The following DPP6 variants were observed in gnomAD, a reference collection of about 807,000 sequenced individuals.
DPP6 encodes the protein A-type potassium channel modulatory protein DPP6.
A neutral mutation model predicts 122.6 loss-of-function variants in DPP6; 69 were observed. That is an observed-to-expected ratio of 0.56 (90% CI 0.46 to 0.69). The LOEUF is 0.69. DPP6 is among the 30% of genes least tolerant of loss of function. The pLI, the probability that DPP6 is intolerant of heterozygous loss-of-function variation, is 0.00. For missense variants in DPP6, 928 were observed against 1,116.9 expected, an observed-to-expected ratio of 0.83 and a Z score of 2.41; for synonymous variants, 418 against 433.1, an observed-to-expected ratio of 0.97 and a Z score of 0.43.
chr7:154,098,080 C>T (rs1234803523), intron 1 of DPP6, among the ~76,000 whole-genome samples: 1 of 152,170 alleles, frequency 6.6e-6, no homozygotes, highest in Non-Finnish European at 1.5e-5. Context: ...CAAATCTCAC[C>T]TTGAATTGTA....
At chr7:154,873,439 C>T (rs964979212) in intron 19 of DPP6, among the ~76,000 whole-genome samples, 3 of 151,050 alleles carry the variant, frequency 2.0e-5, no homozygotes, top group Non-Finnish European at 4.4e-5. Context: ...CTCCTGCACC[C>T]CTCGTAGCCT....
chr7:153,910,052 A>C (rs1396660680), intron 1 of DPP6, among the ~76,000 whole-genome samples: 2 of 152,018 alleles, frequency 1.3e-5, no homozygotes, highest in Non-Finnish European at 2.9e-5. Flanking sequence ...CTGGGTTTCG[A>C]GTATTCATTT....
At chr7:154,013,616 C>A (rs1018882075) in intron 1 of DPP6, among the ~76,000 whole-genome samples, 1 of 151,614 alleles carries the variant, frequency 6.6e-6, no homozygotes, top group African/African-American at 2.4e-5. Flanking sequence ...CTGTAACATT[C>A]TTACTTTATG....
At chr7:154,744,125 A>G (rs1210385132) in intron 8 of DPP6, among the ~76,000 whole-genome samples, 2 of 152,048 alleles carry the variant, frequency 1.3e-5, no homozygotes, top group Non-Finnish European at 2.9e-5. Flanking sequence ...GGTTAACTGG[A>G]CCTGCCTAAG....
chr7:154,293,765 C>T (rs999297001), intron 1 of DPP6, among the ~76,000 whole-genome samples: 1 of 152,134 alleles, frequency 6.6e-6, no homozygotes, highest in African/African-American at 2.4e-5. Context: ...TGATGAGTTG[C>T]CTAAAATGAA....
the DPP6 span, among the ~76,000 whole-genome samples, chr7:153,854,077 T>G: frequency 1.1e-4 from 16 of 146,600 alleles, no homozygotes; most frequent in Admixed American, 9.6e-4. Flanking sequence ...TAGCCAGTTT[T>G]CCCAGCACCA....
chr7:154,585,713 A>G (rs987518324), intron 5 of DPP6, among the ~76,000 whole-genome samples: 1 of 152,244 alleles, frequency 6.6e-6, no homozygotes, highest in Non-Finnish European at 1.5e-5. Context: ...TGTATTGCTT[A>G]GGAAATAATG....
At chr7:154,445,958 C>G (rs1341304980) in intron 1 of DPP6, among the ~76,000 whole-genome samples, 1 of 152,078 alleles carries the variant, frequency 6.6e-6, no homozygotes, top group East Asian at 1.9e-4. Flanking sequence ...AAGCTGCAAA[C>G]ATAATAATAT....
At chr7:153,786,945 TTTTTTG>T in the DPP6 span, among the ~76,000 whole-genome samples, 16 of 145,162 alleles carry the variant, frequency 1.1e-4, no homozygotes, top group African/African-American at 2.5e-4. Flanking sequence ...AGATTTCCTT[TTTTTTG>T]TTTTTGTTTT....
chr7:154,466,229 T>C (rs10233210), intron 2 of DPP6, among the ~76,000 whole-genome samples: 18,308 of 152,024 alleles, frequency 0.12, 3,610 homozygotes, highest in African/African-American at 0.41. Flanking sequence ...AGGGAAGGGA[T>C]AGCATTAGGA....
At position 154,860,053 on chromosome 7, in the gene DPP6, C is replaced by T. The variant is rs151183150; in HGVS notation, c.1714+6226C>T. On this transcript the variant is annotated intron_variant, in intron 17 of 25. Transcript: ENST00000377770. The stretch of plus-strand genomic sequence containing the variant: ...AAAAGTTAGGTTTCTCTACCTCCTA[C>T]TCTCTTCATTTGGGTCTTTGTAAGA... Among the ~76,000 whole-genome samples the T allele has an allele frequency of 2.8e-3, 432 of 152,310 alleles. 2 individuals are homozygous for T. The highest frequency in any genetic ancestry group is 9.8e-3 in the African/African-American group (409 of 41,562).
At chr7:153,957,297 C>T (rs892796000) in intron 1 of DPP6, among the ~76,000 whole-genome samples, 1 of 152,098 alleles carries the variant, frequency 6.6e-6, no homozygotes. Flanking sequence ...CACTCCGAAC[C>T]CTCCCCGCTC....
chr7:154,347,857 G>T (rs572801571), intron 1 of DPP6, among the ~76,000 whole-genome samples: 2 of 152,320 alleles, frequency 1.3e-5, no homozygotes, highest in Non-Finnish European at 2.9e-5. Context: ...GTGCCAACTT[G>T]TGGAGTGAAC....
the DPP6 span, among the ~76,000 whole-genome samples, chr7:153,808,870 G>A: frequency 6.6e-6 from 1 of 151,950 alleles, no homozygotes. Flanking sequence ...TTATCTCTTT[G>A]AGATAATGAT....
chr7:153,805,163 A>G, the DPP6 span, among the ~76,000 whole-genome samples: 5 of 152,216 alleles, frequency 3.3e-5, no homozygotes, highest in Non-Finnish European at 5.9e-5. Flanking sequence ...GTAAAAATTA[A>G]TATTTCAAAT....
the DPP6 span, among the ~76,000 whole-genome samples, chr7:153,837,529 T>C: frequency 1.3e-5 from 2 of 152,198 alleles, no homozygotes; most frequent in Non-Finnish European, 2.9e-5. Context: ...CCATGCTACC[T>C]TTCCAGGAAA....
rs1049768072 is a variant in DPP6 at position 154,863,395 on chromosome 7, G to A, written c.1715-4600G>A. Among the ~76,000 whole-genome samples, 2 of 150,010 alleles carry A rather than the reference G, an allele frequency of 1.3e-5. No individual in the cohort carries two copies. The highest frequency in any genetic ancestry group is 3.0e-5 in the Non-Finnish European group (2 of 67,652). ...TCTTGCTCTGTCACCTAGGCTCAAG[G>A]GGAGTGGTGCAATCACAGCTCAAGC... On this transcript the variant is annotated intron_variant, in intron 17 of 25. Coordinates refer to ENST00000377770, the MANE Select transcript of DPP6 (RefSeq NM_130797.4). This position sits in a 1 kb window ranked among gnomAD's most constrained non-coding sequence, Gnocchi z 4.1.
chr7:154,396,036 T>A (rs1313140825), intron 1 of DPP6, among the ~76,000 whole-genome samples: 2 of 152,196 alleles, frequency 1.3e-5, no homozygotes, highest in African/African-American at 4.8e-5. Context: ...TTGCTTTTTT[T>A]AAAGTCCTTA....
intron 1 of DPP6, among the ~76,000 whole-genome samples, chr7:154,366,646 C>G (rs940443472): frequency 6.6e-6 from 1 of 152,198 alleles, no homozygotes; most frequent in South Asian, 2.1e-4. Flanking sequence ...TGGTAGGCAC[C>G]GCTGCTTAGG....
Sources: gnomAD v4.1 joint callset for allele counts (sites outside exome capture counted in the v4.1 genomes callset) on GRCh38, gnomAD v4.1.1 for gene constraint, Gnocchi (gnomAD v3.1) non-coding constraint, MANE v1.5 for transcripts, NCBI Gene and HGNC (gene_info 2026-07-23, HGNC 2026-07-21) for gene names.